Variants in PPEF2 observed in about 807,000 individuals in gnomAD.
The protein encoded by PPEF2 is protein phosphatase with EF-hand domain 2, also known as serine/threonine-protein phosphatase with EF-hands 2.
PPEF2 carries 84 observed loss-of-function variants against 84.7 expected under a neutral mutation model. The observed-to-expected ratio is 0.99, with a 90% confidence interval of 0.83 to 1.19. PPEF2 has a LOEUF of 1.19. Among genes scored for constraint, PPEF2 ranks in the 50% most tolerant of loss-of-function variants. PPEF2 has a pLI of 0.00. For missense variants in PPEF2, 924 were observed against 937.5 expected (o/e 0.99, Z 0.19); for synonymous variants, 346 against 345.2 (o/e 1.00, Z -0.03).
chr4:75,864,351 T>TCTC, intron 16 of PPEF2, 89 bp downstream of exon 16: 6 of 1,002,744 alleles, frequency 6.0e-6, no homozygotes, highest in South Asian at 4.1e-5. Flanking sequence ...TGAGTGGAGA[T>TCTC]GAATGAGGAT....
At chr4:75,868,919 G>A (rs528195383) in intron 13 of PPEF2, among the ~76,000 whole-genome samples, 1 of 152,100 alleles carries the variant, frequency 6.6e-6, no homozygotes, top group Non-Finnish European at 1.5e-5. Flanking sequence ...TATGGCAGGA[G>A]GATTGCTTGA....
chr4:75,891,641 TACTC>T lies in PPEF2; in HGVS notation c.241+3_241+6del. 1 of 1,604,758 alleles carries T rather than the reference TACTC, an allele frequency of 6.2e-7. No individual in the cohort carries two copies. The highest frequency in any genetic ancestry group is 8.5e-7 in the Non-Finnish European group (1 of 1,176,206). On this transcript the variant is annotated splice_donor_5th_base_variant and intron_variant, in intron 4 of 16. Transcript: ENST00000286719. ...GGAGGACATGACATGTGGCAGTTCATACTCACTGTCGTTGTGGCTGCTGGGGATG... is the reference window on the plus strand; with the variant it reads ...GGAGGACATGACATGTGGCAGTTCATACTGTCGTTGTGGCTGCTGGGGATG...
intron 4 of PPEF2, 119 bp from the exon 5 acceptor site, chr4:75,890,251 CAAG>C (rs1195833408): frequency 1.8e-6 from 2 of 1,099,976 alleles, no homozygotes; most frequent in African/African-American, 3.1e-5. Flanking sequence ...TTTGCGGGGC[CAAG>C]GAGGGAGGAT....
chr4:75,881,202 C>A, intron 10 of PPEF2: 1 of 149,266 alleles, frequency 6.7e-6, no homozygotes, highest in Non-Finnish European at 1.5e-5. Flanking sequence ...CGGGTTCAAG[C>A]GATTCTCCTG....
intron 13 of PPEF2, among the ~76,000 whole-genome samples, chr4:75,868,041 G>A (rs1374140566): frequency 1.3e-5 from 2 of 152,054 alleles, no homozygotes; most frequent in Non-Finnish European, 2.9e-5. Context: ...TTGGCGTGGT[G>A]GCTCATGCCT....
intron 1 of PPEF2, among the ~76,000 whole-genome samples, chr4:75,897,133 G>A (rs985711252): frequency 1.3e-5 from 2 of 152,078 alleles, no homozygotes; most frequent in Non-Finnish European, 2.9e-5. Context: ...GATTACAGGC[G>A]TGAGCCACTG....
At position 75,876,654 on chromosome 4, in the gene PPEF2, C is replaced by T; in HGVS notation, c.953G>A (p.Cys318Tyr). The part of the protein sequence containing the change: ...ERSKIVSTMR[C>Y]KTRQKSEKQM... Reference sequence around the variant, plus strand: ...CTTCTCACTCTTCTGTCTCGTTTTGCACCTCATGGTGGAAACTATCTAAAC... The same window carrying T: ...CTTCTCACTCTTCTGTCTCGTTTTGTACCTCATGGTGGAAACTATCTAAAC... Residue 318 changes from cysteine (C) to tyrosine (Y), a missense_variant, in exon 11 of 17, where the codon TGC (cysteine) becomes TAC (tyrosine). Coordinates refer to ENST00000286719, the MANE Select transcript of PPEF2 (RefSeq NM_006239.3). 2 of 1,559,044 alleles carry T rather than the reference C, an allele frequency of 1.3e-6. No homozygotes were observed. Among genetic ancestry groups the T allele is most frequent in the Non-Finnish European group, 1.7e-6 (2 of 1,152,788 alleles).
intron 13 of PPEF2, among the ~76,000 whole-genome samples, chr4:75,869,623 G>A (rs1724217345): frequency 6.6e-6 from 1 of 152,200 alleles, no homozygotes; most frequent in Non-Finnish European, 1.5e-5. Flanking sequence ...AAGGCAGGAG[G>A]ATCACTTGAG....
Position 75,899,589 on chromosome 4 carries a change from T to C in PPEF2, c.-59+2641A>G, listed in dbSNP as rs550697389. 3.3e-4 allele frequency among the ~76,000 whole-genome samples: 51 copies of C among 152,302 alleles called. 1 individual carries two copies. The highest frequency in any genetic ancestry group is 2.0e-4 in the Admixed American group (3 of 15,294). On this transcript the variant is annotated intron_variant, in intron 1 of 16. Transcript: ENST00000286719. ...GTGATACTGGGGATTATCAAAGAGT[T>C]GTTGTCTTTTTCTCTGAAAATCAAA...
intron 2 of PPEF2, among the ~76,000 whole-genome samples, chr4:75,892,393 G>A: frequency 6.6e-6 from 1 of 152,162 alleles, no homozygotes; most frequent in South Asian, 2.1e-4. Context: ...CAATAGACTG[G>A]ATGTCAGGAC....
At chr4:75,862,370 CA>C (rs1450725535) in intron 16 of PPEF2, among the ~76,000 whole-genome samples, 1 of 146,726 alleles carries the variant, frequency 6.8e-6, no homozygotes, top group African/African-American at 2.5e-5. Flanking sequence ...AGACAATCCA[CA>C]AAATCAGAAA....
chr4:75,878,214 T>A (rs4324568), intron 10 of PPEF2, among the ~76,000 whole-genome samples: 10,884 of 151,998 alleles, frequency 0.072, 1,283 homozygotes, highest in African/African-American at 0.25. Context: ...TTGAATAGAG[T>A]CCCTCTCACT....
chr4:75,864,464 T>C lies in PPEF2; in HGVS notation c.1984A>G (p.Arg662Gly). 6.2e-7 allele frequency: 1 copy of C among 1,610,482 alleles called. No homozygotes were observed. The highest frequency in any genetic ancestry group is 1.3e-5 in the African/African-American group (1 of 74,980). The change falls in exon 16 of 17, where the codon AGG (arginine) becomes GGG (glycine). Residue 662 changes from arginine to glycine, a missense_variant. Transcript: ENST00000286719. The part of the protein sequence containing the change: ...RNRSNLETIF[R>G]IIDSDHSGFI... ...CCTGAATGATCACTGTCTATGATCC[T>C]AAAAATGGTCTCTAGGTTGGATCGG...
At chr4:75,885,268 A>G (rs1203854611) in intron 7 of PPEF2, among the ~76,000 whole-genome samples, 1 of 152,188 alleles carries the variant, frequency 6.6e-6, no homozygotes, top group Non-Finnish European at 1.5e-5. Flanking sequence ...GATAATAATC[A>G]GTTTTCTTTA....
At chr4:75,887,002 C>T in intron 6 of PPEF2, 104 bp from the exon 7 acceptor site, 1 of 574,504 alleles carries the variant, frequency 1.7e-6, no homozygotes, top group East Asian at 3.1e-5. Flanking sequence ...ACAGAAAAAA[C>T]CCTACAAAGT....
intron 6 of PPEF2, 109 bp from the exon 7 acceptor site, chr4:75,887,007 CA>C: frequency 1.9e-6 from 1 of 534,866 alleles, no homozygotes; most frequent in Non-Finnish European, 3.3e-6. Flanking sequence ...AAAAACCCTA[CA>C]AAGTTTTCCA....
At position 75,882,944 on chromosome 4, in the gene PPEF2, G is replaced by A. The variant is rs1268398343; in HGVS notation, c.915C>T (p.Asp305=). Residue 305 remains aspartate (D), a synonymous_variant, in exon 10 of 17, where the codon GAC becomes GAT. Coordinates refer to ENST00000286719, the MANE Select transcript of PPEF2 (RefSeq NM_006239.3). The part of the protein sequence containing the change: ...VSDITDLELL[D]KIERSKIVST... Reference sequence around the variant, plus strand: ...CCACTACCTTGCTCCTCTCTATTTTGTCCAAAAGCTCCAGATCAGTTATGT... The same window carrying A: ...CCACTACCTTGCTCCTCTCTATTTTATCCAAAAGCTCCAGATCAGTTATGT... 2 of 1,613,024 alleles carry A rather than the reference G, an allele frequency of 1.2e-6. No individual in the cohort carries two copies. The highest frequency in any genetic ancestry group is 1.1e-5 in the South Asian group (1 of 90,772).
intron 10 of PPEF2, chr4:75,882,123 C>G (rs1192127913): frequency 6.6e-6 from 1 of 152,204 alleles, no homozygotes; most frequent in Non-Finnish European, 1.5e-5. Flanking sequence ...TCATACTCTT[C>G]CACCTCCAAC....
At chr4:75,861,614 G>GTTTTTTTTTGTTTTTT (rs1724001826) in intron 16 of PPEF2, among the ~76,000 whole-genome samples, 1 of 86,146 alleles carries the variant, frequency 1.2e-5, no homozygotes. Flanking sequence ...TTATGCAACA[G>GTTTTTTTTTGTTTTTT]TTTTTTTTTT....
Sources: gnomAD v4.1 joint callset for allele counts (sites outside exome capture counted in the v4.1 genomes callset) on GRCh38, gnomAD v4.1.1 for gene constraint, MANE v1.5 for transcripts, NCBI Gene and HGNC (gene_info 2026-07-23, HGNC 2026-07-21) for gene names.